The following ADAM28 variants were observed in gnomAD, a reference collection of about 807,000 sequenced individuals.
ADAM28 encodes the protein disintegrin and metalloproteinase domain-containing protein 28.
ADAM28 carries 105 observed loss-of-function variants against 101.2 expected under a neutral mutation model. That is an observed-to-expected ratio of 1.04 (90% CI 0.89 to 1.22). The LOEUF (loss-of-function observed/expected upper bound fraction) is 1.22. Among genes scored for constraint, ADAM28 ranks in the 50% most tolerant of loss-of-function variants. The pLI is 0.00. For missense variants in ADAM28, 1,028 were observed against 945.4 expected (o/e 1.09, Z -1.15); for synonymous variants, 322 against 310.6 (o/e 1.04, Z -0.39).
At chr8:24,321,659 T>A (rs1811899510) in intron 8 of ADAM28, among the ~76,000 whole-genome samples, 1 of 151,980 alleles carries the variant, frequency 6.6e-6, no homozygotes, top group Non-Finnish European at 1.5e-5. Context: ...CAGTAGCATA[T>A]TTCATAAAAT....
At chr8:24,296,177 G>A (rs1263702574) in intron 1 of ADAM28, 1 of 152,088 alleles carries the variant, frequency 6.6e-6, no homozygotes, top group African/African-American at 2.4e-5. Context: ...AATACTCAGG[G>A]GGTACAGCAC....
chr8:24,302,177 G>A (rs1332170438), intron 2 of ADAM28, among the ~76,000 whole-genome samples: 1 of 152,102 alleles, frequency 6.6e-6, no homozygotes, highest in Non-Finnish European at 1.5e-5. Flanking sequence ...AATTATAAGT[G>A]AGAACATGTG....
chr8:24,335,779 G>C lies in ADAM28; in HGVS notation c.1567+138G>C, dbSNP rs910903898. On this transcript the variant is annotated intron_variant, in intron 14 of 22. Transcript: ENST00000265769. ...ACTCAAAATCATGGAAAGGTTTTAAGATTTGAGGTTGGTTTTAGGGTTGCT... is the reference window on the plus strand; with the variant it reads ...ACTCAAAATCATGGAAAGGTTTTAACATTTGAGGTTGGTTTTAGGGTTGCT... 3.0e-5 allele frequency: 39 copies of C among 1,316,590 alleles called. 1 individual carries two copies. The African/African-American group carries it at 5.4e-4, about 18-fold the overall frequency. The allele number at this position is 1,316,590 out of a possible 1,614,324, so 81.6% of individuals were successfully genotyped here.
intron 14 of ADAM28, among the ~76,000 whole-genome samples, chr8:24,338,874 AC>A (rs1814420667): frequency 6.6e-6 from 1 of 152,170 alleles, no homozygotes; most frequent in African/African-American, 2.4e-5. Context: ...TCAACCATGT[AC>A]TGCTGACCAG....
rs1489348958 is a variant in ADAM28, at chr8:24,306,355, A to ATATATATATATATATATATAT, written c.151-3539_151-3538insTATATATATATATATATATAT. Among the ~76,000 whole-genome samples, 99 of 107,672 alleles carry ATATATATATATATATATATAT rather than the reference A, an allele frequency of 9.2e-4. 1 individual carries two copies. The highest frequency in any genetic ancestry group is 2.3e-3 in the East Asian group (6 of 2,622). 70.6% of individuals were successfully genotyped at this position (107,672 alleles called of 152,430 possible). A position where few individuals can be genotyped will look rare whatever the true frequency, so the allele number is the denominator to read the frequency against. On this transcript the variant is annotated intron_variant, in intron 2 of 22. Coordinates refer to ENST00000265769, the MANE Select transcript of ADAM28 (RefSeq NM_014265.6). ...TGAGACTCCATCTCAAATACAAATA[A>ATATATATATATATATATATAT]ATAAATAAATATATATATATATATA...
chr8:24,344,913 T>G (rs1040023129), intron 18 of ADAM28, among the ~76,000 whole-genome samples: 1 of 152,114 alleles, frequency 6.6e-6, no homozygotes, highest in Non-Finnish European at 1.5e-5. Flanking sequence ...ATATTTTTAA[T>G]ATTTCAATTA....
intron 14 of ADAM28, among the ~76,000 whole-genome samples, chr8:24,336,663 A>G (rs933321546): frequency 6.6e-6 from 1 of 151,954 alleles, no homozygotes; most frequent in African/African-American, 2.4e-5. Context: ...TCTAGCTTAT[A>G]TACCTAAAAT....
At chr8:24,310,994 A>G (rs1332609264) in intron 4 of ADAM28, among the ~76,000 whole-genome samples, 1 of 152,242 alleles carries the variant, frequency 6.6e-6, no homozygotes. Flanking sequence ...AAAAGCTTGT[A>G]GATCTTTGCT....
chr8:24,357,527 T>A lies in ADAM28; in HGVS notation c.*3123T>A, dbSNP rs1816758736. 6.6e-6 allele frequency: 1 copy of A among 152,082 alleles called. No homozygotes were observed. 9.4% of individuals were successfully genotyped at this position (152,082 alleles called of 1,614,324 possible). On this transcript the variant is annotated 3_prime_UTR_variant, in exon 23 of 23. Transcript: ENST00000265769. The stretch of plus-strand genomic sequence containing the variant: ...TGAAGGAGGAACTGTCAAACACTTA[T>A]AAAACCATCAGATCTCTTGAGAGCT...
chr8:24,306,353 TAAATAAATAA>T (rs201770666), intron 2 of ADAM28, among the ~76,000 whole-genome samples: 5,213 of 129,350 alleles, frequency 0.04, 396 homozygotes, highest in East Asian at 0.13. Context: ...CAAATACAAA[TAAATAAATAA>T]ATATATATAT....
chr8:24,299,364 T>G (rs959824856), intron 1 of ADAM28, among the ~76,000 whole-genome samples: 2 of 152,208 alleles, frequency 1.3e-5, no homozygotes, highest in African/African-American at 4.8e-5. Flanking sequence ...AATTTTCATT[T>G]TTTAAATGTT....
At chr8:24,326,705 GA>G in intron 10 of ADAM28, 70 bp downstream of exon 10, 1 of 1,426,598 alleles carries the variant, frequency 7.0e-7, no homozygotes, top group Non-Finnish European at 9.7e-7. Context: ...AATCTATAGA[GA>G]AGATCATGAT....
intron 22 of ADAM28, 45 bp from the exon 23 acceptor site, chr8:24,354,339 A>C (rs1409622104): frequency 1.3e-6 from 2 of 1,498,836 alleles, no homozygotes; most frequent in Non-Finnish European, 1.8e-6. Flanking sequence ...TAAATATCTA[A>C]ATTTTTGAAG....
intron 2 of ADAM28, among the ~76,000 whole-genome samples, chr8:24,307,523 A>G (rs1459630894): frequency 6.6e-6 from 1 of 152,192 alleles, no homozygotes; most frequent in Non-Finnish European, 1.5e-5. Flanking sequence ...TTTATTCATA[A>G]TCATATTCAC....
intron 6 of ADAM28, among the ~76,000 whole-genome samples, chr8:24,318,550 A>G (rs571013933): frequency 2.0e-5 from 3 of 152,068 alleles, no homozygotes; most frequent in African/African-American, 4.8e-5. Flanking sequence ...TCTTTTTAAT[A>G]TATCTACTCA....
In ADAM28 at chr8:24,355,925, G is replaced by A. The variant is rs886494622; in HGVS notation, c.*1521G>A. On this transcript the variant is annotated 3_prime_UTR_variant, in exon 23 of 23. Coordinates refer to ENST00000265769, the MANE Select transcript of ADAM28 (RefSeq NM_014265.6). ...CATCATCACAGCTACAGTTTTTCTTGTATTTGTCTGCTTCACCCATTTCTA... is the reference window on the plus strand; with the variant it reads ...CATCATCACAGCTACAGTTTTTCTTATATTTGTCTGCTTCACCCATTTCTA... The A allele has an allele frequency of 6.6e-6, 1 of 152,100 alleles. No individual in the cohort carries two copies. The highest frequency in any genetic ancestry group is 6.6e-5 in the Admixed American group (1 of 15,240). The allele number at this position is 152,100 out of a possible 1,614,324, so 9.4% of individuals were successfully genotyped here. A position where few individuals can be genotyped will look rare whatever the true frequency, so the allele number is the denominator to read the frequency against.
chr8:24,307,770 C>T (rs1223026103), intron 2 of ADAM28, among the ~76,000 whole-genome samples: 1 of 152,140 alleles, frequency 6.6e-6, no homozygotes, highest in Admixed American at 6.6e-5. Flanking sequence ...TGTACATGTT[C>T]TTAGAGGCCC....
At position 24,338,380 on chromosome 8, in the gene ADAM28, A is replaced by C. The variant is rs114212753; in HGVS notation, c.1568-1086A>C. ...ATATATGAATGATACCTTCTGCAATATCAGCAGCAATAACTCTGAAGTCTC... is the reference window on the plus strand; with the variant it reads ...ATATATGAATGATACCTTCTGCAATCTCAGCAGCAATAACTCTGAAGTCTC... On this transcript the variant is annotated intron_variant, in intron 14 of 22. Coordinates refer to ENST00000265769, the MANE Select transcript of ADAM28 (RefSeq NM_014265.6). Among the ~76,000 whole-genome samples, 1,259 of 152,314 alleles carry C rather than the reference A, an allele frequency of 8.3e-3. 20 individuals carry two copies. Among genetic ancestry groups the C allele is most frequent in the African/African-American group, 0.027 (1,125 of 41,564 alleles).
chr8:24,331,123 C>T (rs1360062101), intron 11 of ADAM28, 27 bp from the exon 12 acceptor site: 1 of 1,588,192 alleles, frequency 6.3e-7, no homozygotes. Flanking sequence ...TGACTATATT[C>T]CAGTTTTTCT....
Sources: allele counts gnomAD v4.1 joint callset (sites outside exome capture counted in the v4.1 genomes callset), GRCh38; gene constraint gnomAD v4.1.1; transcripts MANE v1.5; gene names NCBI Gene and HGNC (gene_info 2026-07-23, HGNC 2026-07-21).